The following CYP4F11 variants were observed in gnomAD, a reference collection of about 807,000 sequenced individuals.
CYP4F11 encodes cytochrome P450 4F11.
Under a neutral mutation model 62.2 loss-of-function variants are expected in CYP4F11, and 79 were observed. The ratio of observed to expected loss-of-function variants is 1.27; its 90% CI spans 1.06 to 1.53. The LOEUF is 1.53. CYP4F11 is among the 40% of genes most tolerant of loss of function. The pLI is 0.00. For synonymous variants in CYP4F11, 290 were observed against 263.7 expected (o/e 1.10, Z -0.97); for missense variants, 777 against 680.5 (o/e 1.14, Z -1.58).
intron 1 of CYP4F11, among the ~76,000 whole-genome samples, chr19:15,931,634 GA>G (rs2089724022): frequency 5.6e-5 from 4 of 71,528 alleles, no homozygotes; most frequent in Admixed American, 3.9e-4. Context: ...GGAGAGGAAT[GA>G]GTGAGCGAGG....
In CYP4F11 at chr19:15,921,032, GTCTC is replaced by G. The variant is rs376480024; in HGVS notation, c.1115+1001_1115+1004del. Among the ~76,000 whole-genome samples, 22 of 100,174 alleles carry G rather than the reference GTCTC, an allele frequency of 2.2e-4. 2 individuals carry two copies. In the South Asian group the frequency reaches 3.1e-3, roughly 14 times the overall value. The allele number at this position is 100,174 out of a possible 152,430, so 65.7% of individuals were successfully genotyped here. A position where few individuals can be genotyped will look rare whatever the true frequency, so the allele number is the denominator to read the frequency against. On this transcript the variant is annotated intron_variant, in intron 8 of 11. Coordinates refer to ENST00000402119, the MANE Select transcript of CYP4F11 (RefSeq NM_021187.4). ...TCTCTCTCTGTTTCTCTCACTCTTG[GTCTC>G]TCTCTCTCTCTCTTTCTGTCTCTCT...
chr19:15,927,474 G>C lies in CYP4F11; in HGVS notation c.353C>G (p.Ala118Gly), dbSNP rs1264002729. The C allele has an allele frequency of 1.9e-6, 3 of 1,614,198 alleles. No homozygotes were observed. The East Asian group carries it at 6.7e-5, about 36-fold the overall frequency. Reference sequence around the variant, plus strand: ...GCCATAGAAAATCATATCCTTGGGTGCGACAGCAGCTGACATGATTGAGGA... The same window carrying C: ...GCCATAGAAAATCATATCCTTGGGTCCGACAGCAGCTGACATGATTGAGGA... ...RPITSASAAVAPKDMIFYGFL... is the reference protein window; with the variant it reads ...RPITSASAAVGPKDMIFYGFL... Residue 118 changes from alanine to glycine, a missense_variant, in exon 3 of 12, where the codon GCA becomes GGA. Transcript: ENST00000402119.
chr19:15,921,963 A>G, intron 8 of CYP4F11, 74 bp downstream of exon 8: 1 of 1,464,574 alleles, frequency 6.8e-7, no homozygotes, highest in African/African-American at 1.4e-5. Context: ...GACCAAAAAA[A>G]CTCCCTCCCT....
Position 15,913,836 on chromosome 19 carries a change from T to C in CYP4F11, c.1471A>G (p.Ile491Val), listed in dbSNP as rs746321532. ...CGGGGTTCAGTGTGGGTCGGCAGGA[T>C]GCGGAAGTGCAGCAGGGTGAGCGCC... Reference protein sequence around the residue: ...VLALTLLHFRILPTHTEPRRK... With the variant: ...VLALTLLHFRVLPTHTEPRRK... Residue 491 changes from isoleucine (I) to valine (V), a missense_variant, in exon 12 of 12, where the codon ATC becomes GTC. Coordinates refer to ENST00000402119, the MANE Select transcript of CYP4F11 (RefSeq NM_021187.4). 6.2e-6 allele frequency: 10 copies of C among 1,614,132 alleles called. No individual in the cohort carries two copies. The East Asian group carries it at 2.2e-4, about 36-fold the overall frequency.
intron 4 of CYP4F11, 61 bp from the exon 5 acceptor site, chr19:15,924,943 C>G (rs141283215): frequency 6.5e-7 from 1 of 1,546,058 alleles, no homozygotes. Flanking sequence ...CCTTCCCAGA[C>G]CCAAACATCA....
rs1568479643 is a variant in CYP4F11 at position 15,912,757 on chromosome 19, G to GTGTGTGTATATATATA, written c.*974_*975insTATATATATACACACA. 3.1e-4 allele frequency: 13 copies of GTGTGTGTATATATATA among 42,006 alleles called. No individual in the cohort carries two copies. The highest frequency in any genetic ancestry group is 1.6e-3 in the African/African-American group (13 of 8,344). 2.6% of individuals were successfully genotyped at this position (42,006 alleles called of 1,614,324 possible). A position where few individuals can be genotyped will look rare whatever the true frequency, so the allele number is the denominator to read the frequency against. On this transcript the variant is annotated 3_prime_UTR_variant, in exon 12 of 12. Transcript: ENST00000402119. ...TGTATATGTATATATGTGTGTGTGTGTGTGTGTGTGTGTGTATATATATAT... is the reference window on the plus strand; with the variant it reads ...TGTATATGTATATATGTGTGTGTGTGTGTGTGTATATATATATGTGTGTGTGTGTGTATATATATAT...
chr19:15,915,220 C>G (rs1010721789), intron 8 of CYP4F11, among the ~76,000 whole-genome samples: 5 of 152,048 alleles, frequency 3.3e-5, no homozygotes, highest in Admixed American at 1.3e-4. Context: ...GAATAAGAAA[C>G]AAAATACCCA....
chr19:15,916,885 G>A (rs973942823), intron 8 of CYP4F11, among the ~76,000 whole-genome samples: 3 of 152,214 alleles, frequency 2.0e-5, no homozygotes, highest in South Asian at 2.1e-4. Context: ...AGAACTAAAC[G>A]TAGATCTACT....
In CYP4F11 at chr19:15,922,390, G is replaced by A; in HGVS notation, c.959C>T (p.Ala320Val). 1.2e-6 allele frequency: 2 copies of A among 1,614,166 alleles called. No individual in the cohort carries two copies. Among genetic ancestry groups the A allele is most frequent in the Non-Finnish European group, 1.7e-6 (2 of 1,180,028 alleles). ...GKELSDEDIR[A>V]EADTFMFEGH... ...CTCAAACATGAAGGTGTCAGCTTCTGCTCTTATGTCCTCATCAGACAATTC... is the reference window on the plus strand; with the variant it reads ...CTCAAACATGAAGGTGTCAGCTTCTACTCTTATGTCCTCATCAGACAATTC... The change falls in exon 7 of 12, where the codon GCA becomes GTA. Residue 320 changes from alanine to valine, a missense_variant. By Grantham distance (64) the Ala-to-Val change is moderately conservative. Coordinates refer to ENST00000402119, the MANE Select transcript of CYP4F11 (RefSeq NM_021187.4).
At chr19:15,930,801 C>T (rs573952677) in intron 1 of CYP4F11, among the ~76,000 whole-genome samples, 6 of 152,260 alleles carry the variant, frequency 3.9e-5, no homozygotes, top group South Asian at 4.1e-4. Flanking sequence ...ATCCCTTTCA[C>T]GTCCTGGCTG....
chr19:15,922,561 T>C, intron 6 of CYP4F11, 131 bp from the exon 7 acceptor site: 1 of 909,938 alleles, frequency 1.1e-6, no homozygotes, highest in African/African-American at 1.6e-5. Context: ...CACTCCTAGA[T>C]GTCTCTTGGT....
At position 15,914,804 on chromosome 19, in the gene CYP4F11, T is replaced by C; in HGVS notation, c.1207A>G (p.Thr403Ala). Residue 403 changes from threonine (T) to alanine (A), a missense_variant, in exon 9 of 12, where the codon ACG becomes GCG. Transcript: ENST00000402119. ...CCGTCTGGGAGCACAAAGTCCTGCG[T>C]GCAACATCGGGAGATGACCGGGACT... ...PPVPVISRCC[T>A]QDFVLPDGRV... The C allele has an allele frequency of 1.2e-6, 2 of 1,614,146 alleles. No homozygotes were observed. Among genetic ancestry groups the C allele is most frequent in the Non-Finnish European group, 1.7e-6 (2 of 1,180,032 alleles).
In CYP4F11 at chr19:15,933,789, GGAATGAGTGAGTGAGGAGAA is replaced by G. The variant is rs1319969868; in HGVS notation, c.198+402_198+421del. On this transcript the variant is annotated intron_variant, in intron 1 of 11. Transcript: ENST00000402119. ...GGAGAGGAATGAGTGAGTGAGCAGAGGAATGAGTGAGTGAGGAGAAGAATGAGTGAGTGAGGAGAAGAATG... is the reference window on the plus strand; with the variant it reads ...GGAGAGGAATGAGTGAGTGAGCAGAGGAATGAGTGAGTGAGGAGAAGAATG... Among the ~76,000 whole-genome samples the G allele has an allele frequency of 3.1e-4, 10 of 32,710 alleles. 1 individual carries two copies. The highest frequency in any genetic ancestry group is 7.5e-4 in the Admixed American group (2 of 2,654). 21.5% of individuals were successfully genotyped at this position (32,710 alleles called of 152,430 possible).
chr19:15,912,922 T>C lies in CYP4F11; in HGVS notation c.*810A>G, dbSNP rs186712017. 1 of 151,036 alleles carries C rather than the reference T, an allele frequency of 6.6e-6. No individual in the cohort carries two copies. The highest frequency in any genetic ancestry group is 1.5e-5 in the Non-Finnish European group (1 of 67,908). The allele number at this position is 151,036 out of a possible 1,614,324, so 9.4% of individuals were successfully genotyped here. On this transcript the variant is annotated 3_prime_UTR_variant, in exon 12 of 12. Transcript: ENST00000402119. ...TTTAAAGTCGTGGTAGAAATAACGA[T>C]CTTGAAAGACAACATTCTTTAACAG... is the stretch of plus-strand genomic sequence containing the variant.
At chr19:15,915,296 A>C (rs1354784875) in intron 8 of CYP4F11, among the ~76,000 whole-genome samples, 1 of 152,202 alleles carries the variant, frequency 6.6e-6, no homozygotes, top group Admixed American at 6.5e-5. Context: ...TAGACAAGGG[A>C]ATAAAAAAGA....
intron 8 of CYP4F11, among the ~76,000 whole-genome samples, chr19:15,915,299 A>G (rs1036125627): frequency 2.0e-5 from 3 of 152,248 alleles, no homozygotes; most frequent in Non-Finnish European, 4.4e-5. Context: ...ACAAGGGAAT[A>G]AAAAAGAGAG....
In CYP4F11 at chr19:15,929,431, C is replaced by T. The variant is rs368493950; in HGVS notation, c.343+26G>A. The stretch of plus-strand genomic sequence containing the variant: ...AAGGCCTTTGATGTTTCCCAGCCCC[C>T]ACTACCACAAGCTCTGCACGGGTAC... On this transcript the variant is annotated intron_variant, in intron 2 of 11. Coordinates refer to ENST00000402119, the MANE Select transcript of CYP4F11 (RefSeq NM_021187.4). The T allele has an allele frequency of 3.6e-5, 58 of 1,613,848 alleles. No individual in the cohort carries two copies. In the South Asian group the frequency reaches 6.3e-4, roughly 17 times the overall value.
chr19:15,912,805 T>TACACAC lies in CYP4F11; in HGVS notation c.*926_*927insGTGTGT, dbSNP rs1555776636. ...TATATATATAATATATATATATATA[T>TACACAC]ACATATCTTATATGCACAGCCCTCT... On this transcript the variant is annotated 3_prime_UTR_variant, in exon 12 of 12. Transcript: ENST00000402119. The TACACAC allele has an allele frequency of 3.0e-5, 3 of 101,252 alleles. No individual in the cohort carries two copies. Among genetic ancestry groups the TACACAC allele is most frequent in the African/African-American group, 1.3e-4 (3 of 23,392 alleles). The allele number at this position is 101,252 out of a possible 1,614,324, so 6.3% of individuals were successfully genotyped here.
At chr19:15,914,160 C>T (rs1030134648) in intron 11 of CYP4F11, 145 bp downstream of exon 11, 2 of 1,182,862 alleles carry the variant, frequency 1.7e-6, no homozygotes, top group Non-Finnish European at 1.2e-6. Flanking sequence ...TAGGACCTTC[C>T]CAAACCCATT....
Sources: gnomAD v4.1 joint callset for allele counts (sites outside exome capture counted in the v4.1 genomes callset) on GRCh38, gnomAD v4.1.1 for gene constraint, MANE v1.5 for transcripts, NCBI Gene and HGNC (gene_info 2026-07-23, HGNC 2026-07-21) for gene names.